ARHGAP18: variants seen among roughly 807,000 people sequenced by gnomAD.
ARHGAP18 encodes Rho GTPase activating protein 18.
ARHGAP18 carries 67 observed loss-of-function variants against 86.2 expected under a neutral mutation model. The observed-to-expected ratio is 0.78, with a 90% CI of 0.64 to 0.95. The LOEUF is 0.95. Ranked by LOEUF, ARHGAP18 falls within the 40% of genes least tolerant of loss-of-function variation. The probability of loss-of-function intolerance (pLI) is 0.00; values close to 1 mark genes in which losing one functional copy is unlikely to be tolerated. For synonymous variants in ARHGAP18, 283 were observed against 280.4 expected (o/e 1.01, Z -0.09); for missense variants, 691 against 780.4 (o/e 0.89, Z 1.37).
chr6:129,613,178 A>C (rs1333990713), intron 7 of ARHGAP18, among the ~76,000 whole-genome samples: 4 of 150,208 alleles, frequency 2.7e-5, no homozygotes, highest in Non-Finnish European at 5.9e-5. Context: ...GCTTGCAGTG[A>C]GCCAAGATCG....
At chr6:129,605,582 A>AG (rs1043787630) in intron 10 of ARHGAP18, among the ~76,000 whole-genome samples, 5 of 152,170 alleles carry the variant, frequency 3.3e-5, no homozygotes, top group Non-Finnish European at 7.3e-5. Flanking sequence ...AATAAGAAGG[A>AG]GAAAAAAAAC....
intron 7 of ARHGAP18, among the ~76,000 whole-genome samples, chr6:129,613,299 T>A (rs1416573543): frequency 1.3e-5 from 2 of 151,246 alleles, no homozygotes; most frequent in African/African-American, 4.9e-5. Flanking sequence ...ATTTTTCAAG[T>A]AACACTGGAT....
At chr6:129,686,478 G>A (rs1182891437) in intron 1 of ARHGAP18, among the ~76,000 whole-genome samples, 1 of 152,170 alleles carries the variant, frequency 6.6e-6, no homozygotes, top group East Asian at 1.9e-4. Context: ...TAAGATATGA[G>A]GATAGAGGTT....
At chr6:129,597,894 CTT>C (rs375911952) in intron 12 of ARHGAP18, among the ~76,000 whole-genome samples, 1 of 151,914 alleles carries the variant, frequency 6.6e-6, no homozygotes, top group African/African-American at 2.4e-5. Context: ...GAAGTTAATG[CTT>C]TTTTTTCCAT....
chr6:129,698,533 C>CTT (rs59159724), intron 1 of ARHGAP18, among the ~76,000 whole-genome samples: 2 of 138,036 alleles, frequency 1.4e-5, no homozygotes, highest in African/African-American at 2.7e-5. Context: ...TGTTAAAGCA[C>CTT]TTTTTTTTTT....
intron 12 of ARHGAP18, among the ~76,000 whole-genome samples, chr6:129,587,600 G>T (rs1788421600): frequency 6.6e-6 from 1 of 152,166 alleles, no homozygotes; most frequent in Non-Finnish European, 1.5e-5. Flanking sequence ...AGGACAGCAG[G>T]AGAGAGAAAT....
In ARHGAP18 at chr6:129,610,866, A is replaced by G. The variant is rs532519954; in HGVS notation, c.1122+667T>C. 5.3e-5 allele frequency among the ~76,000 whole-genome samples: 8 copies of G among 152,164 alleles called. No individual in the cohort carries two copies. In the South Asian group the frequency reaches 1.7e-3, roughly 32 times the overall value. ...CTGGTCTCAAACTTCTGACCTCGTGATCCGCCCACCTTGGCCTCCCAAAGT... is the reference window on the plus strand; with the variant it reads ...CTGGTCTCAAACTTCTGACCTCGTGGTCCGCCCACCTTGGCCTCCCAAAGT... On this transcript the variant is annotated intron_variant, in intron 8 of 14. Transcript: ENST00000368149.
intron 1 of ARHGAP18, among the ~76,000 whole-genome samples, chr6:129,683,655 ATGGAAAATAGAGGT>A: frequency 6.6e-6 from 1 of 152,358 alleles, no homozygotes; most frequent in Middle Eastern, 3.4e-3. Flanking sequence ...CAAAAATGTA[ATGGAAAATAGAGGT>A]TGGAGATGGC....
At chr6:129,616,739 G>A (rs1414236171) in intron 6 of ARHGAP18, among the ~76,000 whole-genome samples, 1 of 152,100 alleles carries the variant, frequency 6.6e-6, no homozygotes, top group Non-Finnish European at 1.5e-5. Flanking sequence ...CTTGAGCCCA[G>A]GAGTTCAAGA....
In ARHGAP18 at chr6:129,667,210, C is replaced by T. The variant is rs78769026; in HGVS notation, c.114-25192G>A. On this transcript the variant is annotated intron_variant, in intron 1 of 14. Coordinates refer to ENST00000368149, the MANE Select transcript of ARHGAP18 (RefSeq NM_033515.3). ...AAGAAAAAAATATATTTTTTTTTCC[C>T]ATGGAATAATATCCCCATCTTGTGG... Among the ~76,000 whole-genome samples the T allele has an allele frequency of 3.3e-5, 5 of 151,550 alleles. No individual in the cohort carries two copies. In the South Asian group the frequency reaches 8.3e-4, roughly 25 times the overall value.
At position 129,638,533 on chromosome 6, in the gene ARHGAP18, G is replaced by T. The variant is rs1773381572; in HGVS notation, c.413C>A (p.Ser138Ter). The T allele has an allele frequency of 6.2e-7, 1 of 1,613,936 alleles. No individual in the cohort carries two copies. The highest frequency in any genetic ancestry group is 1.3e-5 in the African/African-American group (1 of 74,862). The change falls in exon 3 of 15, where the codon TCA (serine) becomes TAA (stop). Residue 138 changes from serine to a stop codon, truncating the protein, a stop_gained. Coordinates refer to ENST00000368149, the MANE Select transcript of ARHGAP18 (RefSeq NM_033515.3). LOFTEE classifies it high-confidence loss of function. ...TGCTGCCTGGGTCCGCGTCAATGTT[G>T]ATAAAAACACAATGCTTTCCTGTGG... is the stretch of plus-strand genomic sequence containing the variant. ...GDPQESIVFL[S>*]TLTRTQAAAV...
At chr6:129,622,957 C>T (rs561255773) in intron 5 of ARHGAP18, among the ~76,000 whole-genome samples, 2 of 139,786 alleles carry the variant, frequency 1.4e-5, no homozygotes, top group East Asian at 4.2e-4. Flanking sequence ...GCCGAGATCG[C>T]GCCATTGCAC....
intron 5 of ARHGAP18, among the ~76,000 whole-genome samples, chr6:129,625,820 A>T (rs183215255): frequency 2.4e-5 from 2 of 83,992 alleles, no homozygotes; most frequent in African/African-American, 1.0e-4. Context: ...ATATATTTAT[A>T]TATTATATAT....
chr6:129,596,068 C>A (rs1361407905), intron 12 of ARHGAP18, among the ~76,000 whole-genome samples: 3 of 152,070 alleles, frequency 2.0e-5, no homozygotes. Context: ...TTCTTTGCTC[C>A]CTTTTAGTCT....
chr6:129,706,357 T>C lies in ARHGAP18; in HGVS notation c.113+3667A>G, dbSNP rs139542079. ...TGTACAAGTCGGCCATGACAACTAA[T>C]GTTAACATATTTCTTCAAATCCTCA... On this transcript the variant is annotated intron_variant, in intron 1 of 14. Coordinates refer to ENST00000368149, the MANE Select transcript of ARHGAP18 (RefSeq NM_033515.3). Among the ~76,000 whole-genome samples, 463 of 152,302 alleles carry C rather than the reference T, an allele frequency of 3.0e-3. 6 individuals are homozygous for C. Among genetic ancestry groups the C allele is most frequent in the African/African-American group, 0.011 (441 of 41,570 alleles).
intron 1 of ARHGAP18, among the ~76,000 whole-genome samples, chr6:129,650,550 A>T (rs928283339): frequency 1.3e-5 from 2 of 152,214 alleles, no homozygotes; most frequent in East Asian, 3.8e-4. Flanking sequence ...CTCAACAAGT[A>T]GCCAAATGGG....
chr6:129,642,966 C>G (rs1281694074), intron 1 of ARHGAP18, among the ~76,000 whole-genome samples: 1 of 152,004 alleles, frequency 6.6e-6, no homozygotes, highest in East Asian at 1.9e-4. Flanking sequence ...TCAAACATTT[C>G]TCTCTCAGAT....
intron 1 of ARHGAP18, among the ~76,000 whole-genome samples, chr6:129,661,472 C>T (rs1352553428): frequency 6.6e-6 from 1 of 150,806 alleles, no homozygotes; most frequent in Non-Finnish European, 1.5e-5. Context: ...CTGTTTCTTT[C>T]CCCCTATTTA....
At chr6:129,588,865 A>G (rs1788455071) in intron 12 of ARHGAP18, among the ~76,000 whole-genome samples, 2 of 152,238 alleles carry the variant, frequency 1.3e-5, no homozygotes, top group Admixed American at 1.3e-4. Context: ...CTGTGTACCT[A>G]CAGACTAAAC....
Sources: gnomAD v4.1 joint callset for allele counts (sites outside exome capture counted in the v4.1 genomes callset) on GRCh38, gnomAD v4.1.1 for gene constraint, MANE v1.5 for transcripts, NCBI Gene and HGNC (gene_info 2026-07-23, HGNC 2026-07-21) for gene names.